MYBPHL: variants seen among roughly 807,000 people sequenced by gnomAD.
The protein encoded by MYBPHL is myosin binding protein H like, also known as myosin-binding protein H-like.
In MYBPHL, 32 loss-of-function variants were observed where a neutral mutation model predicts 39.5. The ratio of observed to expected loss-of-function variants is 0.81; its 90% CI spans 0.61 to 1.09. The LOEUF (loss-of-function observed/expected upper bound fraction) is 1.09. MYBPHL is among the 50% of genes least tolerant of loss of function. MYBPHL has a pLI of 0.00. For missense variants in MYBPHL, 456 were observed against 460.2 expected (o/e 0.99, Z 0.08); for synonymous variants, 196 against 183.7 (o/e 1.07, Z -0.54).
chr1:109,296,205 G>A (rs1658052567), intron 6 of MYBPHL, 29 bp downstream of exon 6: 4 of 1,611,182 alleles, frequency 2.5e-6, no homozygotes, highest in East Asian at 2.2e-5. Context: ...AAGCAGCTCA[G>A]CACAGTGCCC....
chr1:109,293,759 A>AAT (rs1657949273), intron 8 of MYBPHL, among the ~76,000 whole-genome samples: 1 of 148,958 alleles, frequency 6.7e-6, no homozygotes, highest in Non-Finnish European at 1.5e-5. Context: ...AAATAAATAA[A>AAT]TAAATATAAA....
At chr1:109,295,796 C>T (rs1016846110) in intron 6 of MYBPHL, among the ~76,000 whole-genome samples, 1 of 152,178 alleles carries the variant, frequency 6.6e-6, no homozygotes, top group African/African-American at 2.4e-5. Flanking sequence ...ATGGTGTTTT[C>T]TGCTGTGTGT....
At chr1:109,300,354 G>C (rs1261478577) in intron 1 of MYBPHL, among the ~76,000 whole-genome samples, 1 of 152,214 alleles carries the variant, frequency 6.6e-6, no homozygotes, top group African/African-American at 2.4e-5. Context: ...CCATAGTCAG[G>C]GCTTGGACAG....
At position 109,294,968 on chromosome 1, in the gene MYBPHL, A is replaced by G. The variant is rs887916553; in HGVS notation, c.1054+143T>C. The G allele has an allele frequency of 1.2e-5, 8 of 647,668 alleles. No individual in the cohort carries two copies. The African/African-American group carries it at 1.3e-4, about 10-fold the overall frequency. 40.1% of individuals were successfully genotyped at this position (647,668 alleles called of 1,614,324 possible). ...ATAATTAAAATGTCTCCTCCAATAC[A>G]TCCTGATGATGACAGTGATGAAAGA... On this transcript the variant is annotated intron_variant, in intron 7 of 8. Transcript: ENST00000357155.
In MYBPHL at chr1:109,307,008, G is replaced by A. The variant is rs1386879170; in HGVS notation, c.-17C>T. 1 of 1,605,568 alleles carries A rather than the reference G, an allele frequency of 6.2e-7. No homozygotes were observed. Among genetic ancestry groups the A allele is most frequent in the Non-Finnish European group, 8.5e-7 (1 of 1,176,466 alleles). ...TGCCTCCATGCTGGGCCTTCCCAGA[G>A]GCTGAGCTCCAGCTCTAGATTTTCA... On this transcript the variant is annotated 5_prime_UTR_variant, in exon 1 of 9. Coordinates refer to ENST00000357155, the MANE Select transcript of MYBPHL (RefSeq NM_001010985.3).
Position 109,296,328 on chromosome 1 carries a change from G to A in MYBPHL, c.773C>T (p.Ser258Phe). The A allele has an allele frequency of 4.3e-6, 7 of 1,614,180 alleles. No homozygotes were observed. Among genetic ancestry groups the A allele is most frequent in the South Asian group, 2.2e-5 (2 of 91,088 alleles). ...KTKGFAQRDFSEAPKFTQPLA... is the reference protein window; with the variant it reads ...KTKGFAQRDFFEAPKFTQPLA... ...AGGCTGGGTAAACTTTGGGGCTTCA[G>A]AGAAGTCTCGTTGGGCAAACCCCTT... The change falls in exon 6 of 9, where the codon TCT (serine) becomes TTT (phenylalanine). Residue 258 changes from serine to phenylalanine, a missense_variant. Physicochemically the swap from Ser to Phe is radical, Grantham distance 155. Transcript: ENST00000357155.
chr1:109,295,346 C>G, intron 6 of MYBPHL, 49 bp from the exon 7 acceptor site: 1 of 1,542,274 alleles, frequency 6.5e-7, no homozygotes, highest in East Asian at 2.3e-5. Flanking sequence ...AGGGTAAGAA[C>G]CAATAGTCTT....
chr1:109,293,697 G>A (rs1033702520), intron 8 of MYBPHL, among the ~76,000 whole-genome samples: 22 of 151,484 alleles, frequency 1.5e-4, no homozygotes, highest in Non-Finnish European at 1.5e-4. Flanking sequence ...CCGAGATAGC[G>A]CCACTGCACT....
chr1:109,294,989 A>G (rs1658003470), intron 7 of MYBPHL, 122 bp downstream of exon 7: 1 of 822,778 alleles, frequency 1.2e-6, no homozygotes, highest in Non-Finnish European at 1.9e-6. Flanking sequence ...GACAGTGATG[A>G]AAGAGTCCAG....
rs117363727 is a variant in MYBPHL, at chr1:109,296,931, C to G, written c.582G>C (p.Thr194=). 2 of 1,614,126 alleles carry G rather than the reference C, an allele frequency of 1.2e-6. No individual in the cohort carries two copies. Among genetic ancestry groups the G allele is most frequent in the South Asian group, 2.2e-5 (2 of 91,078 alleles). ...KADTKSGLWF[T]VLEHYHRTSC... is the part of the protein sequence containing the mutation. ...TGGTGCGGTGATAGTGCTCCAGCAC[C>G]GTGAACCACAGCTGCGGGGCCGAAC... Residue 194 remains threonine (T), a synonymous_variant, in exon 5 of 9, where the codon ACG becomes ACC. Transcript: ENST00000357155.
chr1:109,293,435 G>A (rs1379025051), intron 8 of MYBPHL, among the ~76,000 whole-genome samples: 3 of 152,238 alleles, frequency 2.0e-5, no homozygotes, highest in Non-Finnish European at 4.4e-5. Context: ...AGGGATGACA[G>A]TATCGCTTTT....
In MYBPHL at chr1:109,297,598, G is replaced by T; in HGVS notation, c.254C>A (p.Ala85Asp). Residue 85 changes from alanine to aspartate, a missense_variant, in exon 3 of 9, where the codon GCC becomes GAC. By Grantham distance (126) the Ala-to-Asp change is moderately radical. Transcript: ENST00000357155. Reference protein sequence around the residue: ...IPFQGKPKPQAIWTHDGCALD... With the variant: ...IPFQGKPKPQDIWTHDGCALD... ...GGCACAGCCATCATGTGTCCAGATGGCTTGAGGTTTGGGCTTGCCCTGAGG... is the reference window on the plus strand; with the variant it reads ...GGCACAGCCATCATGTGTCCAGATGTCTTGAGGTTTGGGCTTGCCCTGAGG... 1 of 1,613,504 alleles carries T rather than the reference G, an allele frequency of 6.2e-7. No individual in the cohort carries two copies. Among genetic ancestry groups the T allele is most frequent in the Non-Finnish European group, 8.5e-7 (1 of 1,179,914 alleles).
intron 6 of MYBPHL, 56 bp downstream of exon 6, chr1:109,296,178 G>T: frequency 6.3e-7 from 1 of 1,598,758 alleles, no homozygotes; most frequent in South Asian, 1.1e-5. Flanking sequence ...GCTTAGGTTA[G>T]GACAGGCAGG....
At chr1:109,295,030 G>T in intron 7 of MYBPHL, 81 bp downstream of exon 7, 1 of 1,459,010 alleles carries the variant, frequency 6.9e-7, no homozygotes, top group Non-Finnish European at 9.4e-7. Flanking sequence ...CTAGGCTTGC[G>T]TCTCTGTTCC....
In MYBPHL at chr1:109,306,943, C is replaced by T. The variant is rs1386004395; in HGVS notation, c.49G>A (p.Val17Met). 2 of 1,610,246 alleles carry T rather than the reference C, an allele frequency of 1.2e-6. No homozygotes were observed. Residue 17 changes from valine (V) to methionine (M), a missense_variant, in exon 1 of 9, where the codon GTG becomes ATG. By Grantham distance (21) the Val-to-Met change is conservative (BLOSUM62 1). Coordinates refer to ENST00000357155, the MANE Select transcript of MYBPHL (RefSeq NM_001010985.3). The part of the protein sequence containing the change: ...PEVAAGSKLK[V>M]KEASPADAEP... ...GCATCCGCTGGGCTGGCTTCTTTCA[C>T]CTTCAGCTTGGATCCTGCGGCCACC...
chr1:109,292,911 T>C (rs745327747), intron 8 of MYBPHL: 40 of 152,316 alleles, frequency 2.6e-4, no homozygotes, highest in Non-Finnish European at 4.6e-4. Context: ...ACAACATAGC[T>C]AATGTGAATG....
chr1:109,305,513 G>A (rs2101493294), intron 1 of MYBPHL, among the ~76,000 whole-genome samples: 1 of 152,306 alleles, frequency 6.6e-6, no homozygotes, highest in South Asian at 2.1e-4. Context: ...TGGGGGAGAT[G>A]AGCACTCTCC....
chr1:109,301,492 G>A (rs1658277014), intron 1 of MYBPHL, among the ~76,000 whole-genome samples: 1 of 152,186 alleles, frequency 6.6e-6, no homozygotes, highest in East Asian at 1.9e-4. Context: ...TGTAATCCCA[G>A]CACTTTGGGA....
chr1:109,294,117 G>A, intron 8 of MYBPHL, 89 bp downstream of exon 8: 1 of 879,624 alleles, frequency 1.1e-6, no homozygotes, highest in Non-Finnish European at 1.9e-6. Context: ...TGACTGAAAG[G>A]CTCAGGAATG....
Sources: gnomAD v4.1 joint callset for allele counts (sites outside exome capture counted in the v4.1 genomes callset) on GRCh38, gnomAD v4.1.1 for gene constraint, MANE v1.5 for transcripts, NCBI Gene and HGNC (gene_info 2026-07-23, HGNC 2026-07-21) for gene names.